LRRD1: variants seen among roughly 807,000 people sequenced by gnomAD.
LRRD1 encodes the protein leucine-rich repeat and death domain-containing protein 1.
A neutral mutation model predicts 69.5 loss-of-function variants in LRRD1; 49 were observed. The observed-to-expected ratio is 0.70, with a 90% CI of 0.56 to 0.89. The LOEUF (loss-of-function observed/expected upper bound fraction) is 0.89, where lower values mean the gene tolerates loss of function less well. Ranked by LOEUF, LRRD1 falls within the 40% of genes least tolerant of loss-of-function variation. The pLI, the probability that LRRD1 is intolerant of heterozygous loss-of-function variation, is 0.00. For missense variants in LRRD1, 853 were observed against 956.0 expected, an observed-to-expected ratio of 0.89 and a Z score of 1.42; for synonymous variants, 303 against 338.9, an observed-to-expected ratio of 0.89 and a Z score of 1.16.
chr7:92,149,093 T>C (rs1255680294), intron 4 of LRRD1, among the ~76,000 whole-genome samples: 1 of 152,220 alleles, frequency 6.6e-6, no homozygotes, highest in Non-Finnish European at 1.5e-5. Flanking sequence ...ACTTGCACAG[T>C]AAGTTAAAGA....
At chr7:92,146,614 CAAA>C (rs35072020) in intron 4 of LRRD1, among the ~76,000 whole-genome samples, 1 of 130,838 alleles carries the variant, frequency 7.6e-6, no homozygotes, top group Non-Finnish European at 1.6e-5. Context: ...AAGACTGTCT[CAAA>C]AAAAAAAAAA....
intron 1 of LRRD1, among the ~76,000 whole-genome samples, chr7:92,174,227 T>C (rs1365680016): frequency 6.6e-6 from 1 of 151,788 alleles, no homozygotes; most frequent in Non-Finnish European, 1.5e-5. Flanking sequence ...ATAAACAGTT[T>C]GATAGACGAA....
rs904187040 is a variant in LRRD1, at chr7:92,164,478, T to TA, written c.724dup (p.Tyr242LeufsTer2). On this transcript the variant is annotated frameshift_variant, in exon 2 of 6. Coordinates refer to ENST00000458448, the MANE Select transcript of LRRD1 (RefSeq NM_001161528.2). LOFTEE classifies it high-confidence loss of function. ...AGGAAAATTTTCAATGTAATTGTTA[T>TA]AAAAAAAGAGTTGTCTGATATTCCC... is the stretch of plus-strand genomic sequence containing the variant. 1.5e-5 allele frequency: 23 copies of TA among 1,549,802 alleles called. No homozygotes were observed. Among genetic ancestry groups the TA allele is most frequent in the Admixed American group, 7.9e-5 (4 of 50,660 alleles).
intron 3 of LRRD1, among the ~76,000 whole-genome samples, chr7:92,153,797 G>A (rs1313233155): frequency 1.3e-5 from 2 of 151,542 alleles, no homozygotes; most frequent in Admixed American, 6.6e-5. Flanking sequence ...ACTCCAGGCT[G>A]GATGACACAG....
chr7:92,156,974 GTTGT>G (rs1213448247), intron 3 of LRRD1, among the ~76,000 whole-genome samples: 2 of 140,218 alleles, frequency 1.4e-5, no homozygotes, highest in Non-Finnish European at 3.1e-5. Flanking sequence ...TTTTTTTGTT[GTTGT>G]TTGTTTTTGA....
chr7:92,146,614 C>CAA (rs35072020), intron 4 of LRRD1, among the ~76,000 whole-genome samples: 85 of 130,884 alleles, frequency 6.5e-4, no homozygotes, highest in African/African-American at 1.6e-3. Flanking sequence ...AAGACTGTCT[C>CAA]AAAAAAAAAA....
chr7:92,143,368 C>T (rs1043089538), downstream of LRRD1, among the ~76,000 whole-genome samples: 3 of 152,248 alleles, frequency 2.0e-5, no homozygotes, highest in Middle Eastern at 3.4e-3. Flanking sequence ...ACCGTGTGCC[C>T]GCACTCCTCA....
At chr7:92,143,461 C>T (rs113879681), downstream of LRRD1, among the ~76,000 whole-genome samples, 5,155 of 152,206 alleles carry the variant, frequency 0.034, 253 homozygotes, top group African/African-American at 0.11. Flanking sequence ...CAGGAGCCCA[C>T]GGAAGTGGGG....
chr7:92,143,430 G>T (rs541680749), downstream of LRRD1, among the ~76,000 whole-genome samples: 168 of 152,286 alleles, frequency 1.1e-3, no homozygotes, highest in Non-Finnish European at 2.0e-3. Context: ...GGCGGCACTC[G>T]TCGGGGAGGC....
rs779062399 is a variant in LRRD1, at chr7:92,164,348, G to GA, written c.854dup (p.Asn286GlnfsTer5). ...TTGTTAACTGATTATATTCCAAATT[G>GA]AGAACCCTCAAGGTTTTTAAACTAG... On this transcript the variant is annotated frameshift_variant, in exon 2 of 6. Transcript: ENST00000458448. LOFTEE classifies it high-confidence loss of function. 2 of 1,550,210 alleles carry GA rather than the reference G, an allele frequency of 1.3e-6. No homozygotes were observed. The highest frequency in any genetic ancestry group is 1.7e-6 in the Non-Finnish European group (2 of 1,146,522).
rs185474844 is a variant in LRRD1, at chr7:92,146,205, G to A, written c.2279-5C>T. On this transcript the variant is annotated splice_polypyrimidine_tract_variant and splice_region_variant and intron_variant, in intron 4 of 5. Coordinates refer to ENST00000458448, the MANE Select transcript of LRRD1 (RefSeq NM_001161528.2). The stretch of plus-strand genomic sequence containing the variant: ...ATATCTTCTCTAAAATTTTCTCTAC[G>A]TTTGAACATAAAATAAAATGTATAT... 5.0e-4 allele frequency: 664 copies of A among 1,318,580 alleles called. 6 individuals carry two copies. In the African/African-American group the frequency reaches 8.2e-3, roughly 16 times the overall value. The allele number at this position is 1,318,580 out of a possible 1,614,324, so 81.7% of individuals were successfully genotyped here. A position where few individuals can be genotyped will look rare whatever the true frequency, so the allele number is the denominator to read the frequency against.
downstream of LRRD1, chr7:92,142,866 G>C (rs1292925055): frequency 1.3e-5 from 5 of 382,408 alleles, no homozygotes; most frequent in East Asian, 3.7e-4. Context: ...AAGGCAGTGT[G>C]GACCCAAAGA....
At chr7:92,158,897 T>C (rs1236296827) in intron 3 of LRRD1, 108 bp downstream of exon 3, 6 of 827,270 alleles carry the variant, frequency 7.3e-6, no homozygotes, top group African/African-American at 5.4e-5. Context: ...GGTGACTTAA[T>C]ACCTTATGTT....
At chr7:92,152,765 G>A (rs1277243756) in intron 3 of LRRD1, among the ~76,000 whole-genome samples, 1 of 151,696 alleles carries the variant, frequency 6.6e-6, no homozygotes, top group African/African-American at 2.4e-5. Context: ...CCACCTCCCG[G>A]GTTCAAGCAA....
chr7:92,143,277 C>A (rs1820214475), downstream of LRRD1, among the ~76,000 whole-genome samples: 1 of 152,218 alleles, frequency 6.6e-6, no homozygotes, highest in South Asian at 2.1e-4. Context: ...AAGTCCCCAC[C>A]AGACTCAGGA....
chr7:92,166,508 G>T (rs984429095), intron 1 of LRRD1, among the ~76,000 whole-genome samples: 1 of 151,924 alleles, frequency 6.6e-6, no homozygotes, highest in African/African-American at 2.4e-5. Context: ...ATTTACTCAA[G>T]AACAAAAATG....
At chr7:92,151,686 C>T (rs752806651) in intron 3 of LRRD1, among the ~76,000 whole-genome samples, 13 of 152,090 alleles carry the variant, frequency 8.5e-5, no homozygotes, top group East Asian at 1.9e-4. Context: ...CAGTGGTTCA[C>T]GCCTGTAATC....
At chr7:92,157,430 T>A (rs1180968926) in intron 3 of LRRD1, among the ~76,000 whole-genome samples, 1 of 152,194 alleles carries the variant, frequency 6.6e-6, no homozygotes, top group Admixed American at 6.5e-5. Flanking sequence ...AGTTTCCAAG[T>A]AATGTCTTTG....
At chr7:92,154,838 A>AC (rs1777217107) in intron 3 of LRRD1, among the ~76,000 whole-genome samples, 1 of 151,938 alleles carries the variant, frequency 6.6e-6, no homozygotes, top group African/African-American at 2.4e-5. Context: ...ACCTTCCAAG[A>AC]CCCCCCAGCT....
Sources: allele counts gnomAD v4.1 joint callset (sites outside exome capture counted in the v4.1 genomes callset), GRCh38; gene constraint gnomAD v4.1.1; transcripts MANE v1.5; gene names NCBI Gene and HGNC (gene_info 2026-07-23, HGNC 2026-07-21).